Variants in CRTC3 observed in about 807,000 individuals in gnomAD.
The protein encoded by CRTC3 is CREB regulated transcription coactivator 3.
Under a neutral mutation model 74.5 loss-of-function variants are expected in CRTC3, and 26 were observed. The observed-to-expected ratio is 0.35, with a 90% confidence interval of 0.26 to 0.48. CRTC3 has a LOEUF of 0.48. CRTC3 is among the 20% of genes least tolerant of loss of function. CRTC3 has a pLI of 0.99. For missense variants in CRTC3, 760 were observed against 787.3 expected, an observed-to-expected ratio of 0.97 and a Z score of 0.41; for synonymous variants, 377 against 325.8, an observed-to-expected ratio of 1.16 and a Z score of -1.69.
At chr15:90,560,550 G>A (rs1316830225) in intron 2 of CRTC3, among the ~76,000 whole-genome samples, 2 of 152,198 alleles carry the variant, frequency 1.3e-5, no homozygotes, top group Admixed American at 1.3e-4. Context: ...TATCCCCTGT[G>A]GGGTTAACTC....
intron 2 of CRTC3, among the ~76,000 whole-genome samples, chr15:90,580,470 C>T (rs1037982885): frequency 1.3e-5 from 2 of 151,618 alleles, no homozygotes; most frequent in African/African-American, 4.8e-5. Flanking sequence ...GCTCTGTCAC[C>T]CAGACTGGAG....
intron 2 of CRTC3, among the ~76,000 whole-genome samples, chr15:90,586,277 AC>A (rs1671575451): frequency 1.3e-5 from 2 of 151,350 alleles, no homozygotes; most frequent in South Asian, 4.2e-4. Flanking sequence ...CTGGATCAAT[AC>A]TTTTTCAAAG....
At chr15:90,628,971 G>C (rs888636545) in intron 10 of CRTC3, among the ~76,000 whole-genome samples, 4 of 152,096 alleles carry the variant, frequency 2.6e-5, no homozygotes, top group African/African-American at 9.7e-5. Context: ...ACCTAGTTTT[G>C]CTCACCTAGG....
In CRTC3 at chr15:90,614,448, G is replaced by A. The variant is rs143951831; in HGVS notation, c.578-5G>A. The A allele has an allele frequency of 2.5e-3, 4,069 of 1,604,684 alleles. 4 individuals are homozygous for A. Among genetic ancestry groups the A allele is most frequent in the Non-Finnish European group, 3.0e-3 (3,538 of 1,172,662 alleles). ...TTTCTTTTTTTCTTTTTCCTTTCCC[G>A]CTAGGTTTCTGTGATGGTGAGAATA... On this transcript the variant is annotated splice_polypyrimidine_tract_variant and splice_region_variant and intron_variant, in intron 6 of 14. Transcript: ENST00000268184.
At chr15:90,574,191 C>T (rs952351995) in intron 2 of CRTC3, among the ~76,000 whole-genome samples, 3 of 151,996 alleles carry the variant, frequency 2.0e-5, no homozygotes, top group African/African-American at 7.3e-5. Flanking sequence ...AATATATAAA[C>T]TTATTGGCCG....
intron 9 of CRTC3, among the ~76,000 whole-genome samples, chr15:90,622,715 G>A (rs193123637): frequency 2.5e-4 from 38 of 152,228 alleles, no homozygotes; most frequent in African/African-American, 7.2e-4. Flanking sequence ...GCTGGGTATG[G>A]TAGTACATGC....
intron 1 of CRTC3, among the ~76,000 whole-genome samples, chr15:90,533,858 G>A (rs1156388327): frequency 2.6e-5 from 4 of 152,112 alleles, no homozygotes; most frequent in Admixed American, 1.3e-4. Context: ...GGGGAGTGGG[G>A]GAGGCATTCG....
Position 90,638,517 on chromosome 15 carries a change from C to T in CRTC3, c.1338C>T (p.Pro446=). 1 of 1,613,926 alleles carries T rather than the reference C, an allele frequency of 6.2e-7. No homozygotes were observed. The highest frequency in any genetic ancestry group is 8.5e-7 in the Non-Finnish European group (1 of 1,179,996). The change falls in exon 12 of 15, where the codon CCC becomes CCT. Residue 446 remains proline, a synonymous_variant. Transcript: ENST00000268184. ...CTCAAGCCCAGGTGTCGCCGCCACCCCCTTACCCTGCACCCCAGGAGCTCA... is the reference window on the plus strand; with the variant it reads ...CTCAAGCCCAGGTGTCGCCGCCACCTCCTTACCCTGCACCCCAGGAGCTCA... ...TEAQAQVSPP[P]PYPAPQELTQ...
At chr15:90,598,546 A>G (rs1967988949) in intron 3 of CRTC3, 1 of 702,016 alleles carries the variant, frequency 1.4e-6, no homozygotes, top group Non-Finnish European at 2.6e-6. Flanking sequence ...GGGGAGAGAG[A>G]GAACACACTG....
intron 13 of CRTC3, among the ~76,000 whole-genome samples, chr15:90,640,753 T>C (rs1415294837): frequency 2.0e-5 from 3 of 151,334 alleles, no homozygotes; most frequent in African/African-American, 4.9e-5. Flanking sequence ...CTTTGAAGGG[T>C]TCCCACAGAA....
In CRTC3 at chr15:90,540,115, G is replaced by A. The variant is rs749581771; in HGVS notation, c.209G>A (p.Arg70Gln). 5.6e-5 allele frequency: 90 copies of A among 1,612,444 alleles called. No individual in the cohort carries two copies. The highest frequency in any genetic ancestry group is 1.8e-4 in the South Asian group (16 of 90,880). ...GGSLPNVSQL[R>Q]SSASEFQPSF... ...TCCTTACCAAATGTGAGCCAGCTGC[G>A]GAGCAGTGCGTCAGAGTTTCAGGTA... The change falls in exon 2 of 15, where the codon CGG becomes CAG. Residue 70 changes from arginine (R) to glutamine (Q), a missense_variant. Coordinates refer to ENST00000268184, the MANE Select transcript of CRTC3 (RefSeq NM_022769.5).
rs760595751 is a variant in CRTC3 at position 90,638,482 on chromosome 15, C to CCCACAG, written c.1304_1309dup (p.Thr436_Glu437insAlaThr). The CCCACAG allele has an allele frequency of 6.8e-6, 11 of 1,613,932 alleles. No individual in the cohort carries two copies. Among genetic ancestry groups the CCCACAG allele is most frequent in the Non-Finnish European group, 9.3e-6 (11 of 1,180,006 alleles). ...AGACCGAAGCCAACTTTCCTTTCTGCCCACAGAAGCTCAAGCCCAGGTGTC... is the reference window on the plus strand; with the variant it reads ...AGACCGAAGCCAACTTTCCTTTCTGCCCACAGCCACAGAAGCTCAAGCCCAGGTGTC... On this transcript the variant is annotated inframe_insertion, in exon 12 of 15. Coordinates refer to ENST00000268184, the MANE Select transcript of CRTC3 (RefSeq NM_022769.5).
At chr15:90,584,391 C>T (rs1398053396) in intron 2 of CRTC3, among the ~76,000 whole-genome samples, 3 of 152,180 alleles carry the variant, frequency 2.0e-5, no homozygotes, top group Non-Finnish European at 4.4e-5. Context: ...GCATGTACCA[C>T]CATGCTTGGC....
intron 11 of CRTC3, among the ~76,000 whole-genome samples, chr15:90,637,554 AATATT>A (rs1287229915): frequency 1.3e-5 from 2 of 152,134 alleles, no homozygotes; most frequent in East Asian, 1.9e-4. Flanking sequence ...AAAAAAATAA[AATATT>A]AAAGAAAAAG....
intron 13 of CRTC3, 99 bp downstream of exon 13, chr15:90,638,914 C>A: frequency 1.0e-6 from 1 of 994,416 alleles, no homozygotes; most frequent in Non-Finnish European, 1.6e-6. Context: ...CCAGACATGC[C>A]ACTTTCCTGG....
chr15:90,580,392 C>T (rs936050998), intron 2 of CRTC3, among the ~76,000 whole-genome samples: 5 of 151,746 alleles, frequency 3.3e-5, no homozygotes, highest in Middle Eastern at 3.2e-3. Context: ...AATAGGCTTC[C>T]TTAGTGTCAG....
chr15:90,604,126 C>G (rs1348753112), intron 4 of CRTC3: 1 of 373,214 alleles, frequency 2.7e-6, no homozygotes, highest in African/African-American at 2.0e-5. Context: ...CCTCATCTGC[C>G]CAGCTAGCTA....
intron 2 of CRTC3, among the ~76,000 whole-genome samples, chr15:90,559,803 C>T (rs768509465): frequency 9.2e-5 from 14 of 152,078 alleles, no homozygotes; most frequent in Non-Finnish European, 1.5e-4. Context: ...TTTTGTTACC[C>T]GGCTCATTTT....
At chr15:90,573,058 A>G (rs897521445) in intron 2 of CRTC3, among the ~76,000 whole-genome samples, 2 of 152,116 alleles carry the variant, frequency 1.3e-5, no homozygotes, top group Non-Finnish European at 2.9e-5. Context: ...ACAACTCCCC[A>G]TGCCACCTCC....
Sources: gnomAD v4.1 joint callset for allele counts (sites outside exome capture counted in the v4.1 genomes callset) on GRCh38, gnomAD v4.1.1 for gene constraint, MANE v1.5 for transcripts, NCBI Gene and HGNC (gene_info 2026-07-23, HGNC 2026-07-21) for gene names.